The following GALNT13 variants were observed in gnomAD, a reference collection of about 807,000 sequenced individuals.
The protein encoded by GALNT13 is UDP-GalNAc:polypeptide N-acetylgalactosaminyltransferase 13.
A neutral mutation model predicts 64.2 loss-of-function variants in GALNT13; 28 were observed. That is an observed-to-expected ratio of 0.44 (90% CI 0.32 to 0.60). The LOEUF is 0.60. Ranked by LOEUF, GALNT13 falls within the 20% of genes least tolerant of loss-of-function variation. GALNT13 has a pLI of 0.05. For synonymous variants in GALNT13, 214 were observed against 224.6 expected, an observed-to-expected ratio of 0.95 and a Z score of 0.42; for missense variants, 577 against 669.8, an observed-to-expected ratio of 0.86 and a Z score of 1.53.
At chr2:153,476,619 T>C in the GALNT13 span, among the ~76,000 whole-genome samples, 1 of 152,176 alleles carries the variant, frequency 6.6e-6, no homozygotes, top group Non-Finnish European at 1.5e-5. Context: ...CAGTTGGGGT[T>C]GTAATACTCA....
the GALNT13 span, among the ~76,000 whole-genome samples, chr2:153,355,700 G>A: frequency 6.6e-6 from 1 of 152,136 alleles, no homozygotes; most frequent in South Asian, 2.1e-4. Context: ...GGCCCTGGGT[G>A]ATTTACTGGT....
chr2:153,699,070 A>G, the GALNT13 span, among the ~76,000 whole-genome samples: 1 of 152,144 alleles, frequency 6.6e-6, no homozygotes, highest in Non-Finnish European at 1.5e-5. Flanking sequence ...TAAAAATTAC[A>G]AAAATTTTCC....
chr2:154,052,733 A>ATT (rs1699692756), intron 3 of GALNT13, among the ~76,000 whole-genome samples: 1 of 135,316 alleles, frequency 7.4e-6, no homozygotes, highest in African/African-American at 2.7e-5. Flanking sequence ...TACAGAATTG[A>ATT]CTTTTTTTTT....
At chr2:154,264,170 A>G (rs1690853701) in intron 8 of GALNT13, among the ~76,000 whole-genome samples, 1 of 152,196 alleles carries the variant, frequency 6.6e-6, no homozygotes, top group Admixed American at 6.5e-5. Context: ...GTGAGGAAAC[A>G]ATCCAAGTCT....
chr2:153,437,276 G>A, the GALNT13 span, among the ~76,000 whole-genome samples: 1 of 152,126 alleles, frequency 6.6e-6, no homozygotes, highest in Non-Finnish European at 1.5e-5. Flanking sequence ...TAGGTGTGGT[G>A]TGGTGCTGAA....
chr2:153,404,672 A>T, the GALNT13 span, among the ~76,000 whole-genome samples: 1 of 152,198 alleles, frequency 6.6e-6, no homozygotes, highest in Non-Finnish European at 1.5e-5. Context: ...TGTGACGGAT[A>T]CCACTTCAGG....
the GALNT13 span, among the ~76,000 whole-genome samples, chr2:153,438,363 G>A: frequency 6.6e-6 from 1 of 152,070 alleles, no homozygotes; most frequent in Admixed American, 6.5e-5. Flanking sequence ...CTGAACTTGA[G>A]TGTTGGCCTG....
intron 11 of GALNT13, among the ~76,000 whole-genome samples, chr2:154,434,453 G>T (rs1421976675): frequency 6.6e-6 from 1 of 152,128 alleles, no homozygotes; most frequent in Non-Finnish European, 1.5e-5. Context: ...TAGAGACGGG[G>T]TTTCACCGTG....
the GALNT13 span, among the ~76,000 whole-genome samples, chr2:153,087,661 C>G: frequency 6.6e-6 from 1 of 151,962 alleles, no homozygotes; most frequent in Admixed American, 6.6e-5. Flanking sequence ...CATCCTCTAT[C>G]TGTTCAGTGT....
At chr2:153,138,651 A>C in the GALNT13 span, among the ~76,000 whole-genome samples, 136,551 of 152,092 alleles carry the variant, frequency 0.9, 62,407 homozygotes, top group Non-Finnish European at 0.98. Flanking sequence ...ATATAAAAAT[A>C]GTTAGCATCA....
At chr2:154,229,850 C>T (rs2105843052) in intron 4 of GALNT13, among the ~76,000 whole-genome samples, 1 of 152,152 alleles carries the variant, frequency 6.6e-6, no homozygotes, top group African/African-American at 2.4e-5. Context: ...TGAAGCTGAT[C>T]CAGATCCTGT....
At chr2:153,903,683 G>A (rs1688379048) in intron 2 of GALNT13, among the ~76,000 whole-genome samples, 2 of 151,958 alleles carry the variant, frequency 1.3e-5, no homozygotes, top group African/African-American at 4.8e-5. Flanking sequence ...CTTGGTAGCA[G>A]CGAATTTTAA....
intron 3 of GALNT13, among the ~76,000 whole-genome samples, chr2:154,066,569 G>A (rs1315866631): frequency 6.8e-6 from 1 of 147,374 alleles, no homozygotes; most frequent in Non-Finnish European, 1.5e-5. Flanking sequence ...AGGAGAGAAT[G>A]AAATGACATA....
the GALNT13 span, among the ~76,000 whole-genome samples, chr2:153,780,216 T>TAG: frequency 3.9e-3 from 5 of 1,268 alleles, no homozygotes; most frequent in South Asian, 0.038. Context: ...AATTTGAAGA[T>TAG]ATATATATAT....
the GALNT13 span, among the ~76,000 whole-genome samples, chr2:153,858,605 A>G: frequency 6.6e-5 from 10 of 152,188 alleles, no homozygotes; most frequent in African/African-American, 2.4e-4. Context: ...GTATTGTCAC[A>G]ATTGCTCTAT....
At chr2:153,995,902 C>A (rs981569130) in intron 3 of GALNT13, among the ~76,000 whole-genome samples, 2 of 152,168 alleles carry the variant, frequency 1.3e-5, no homozygotes, top group Admixed American at 6.5e-5. Context: ...TTAGAAATTT[C>A]ATCTATTAGT....
intron 3 of GALNT13, among the ~76,000 whole-genome samples, chr2:154,126,916 A>G (rs567305762): frequency 2.0e-5 from 3 of 152,220 alleles, no homozygotes; most frequent in Non-Finnish European, 4.4e-5. Flanking sequence ...GATATGAGGC[A>G]AAAAAACAAT....
the GALNT13 span, among the ~76,000 whole-genome samples, chr2:153,826,143 G>T: frequency 6.6e-6 from 1 of 152,158 alleles, no homozygotes; most frequent in African/African-American, 2.4e-5. Context: ...TCAAGGGCTT[G>T]CATCTGGTGA....
At chr2:154,310,980 AGAATATTCTATGAATATATAT>A (rs1311876486) in intron 9 of GALNT13, among the ~76,000 whole-genome samples, 1 of 151,928 alleles carries the variant, frequency 6.6e-6, no homozygotes, top group African/African-American at 2.4e-5. Context: ...ATATATTCAT[AGAATATTCTATGAATATATAT>A]GAATGACAAC....
Sources: allele counts gnomAD v4.1 joint callset (sites outside exome capture counted in the v4.1 genomes callset), GRCh38; gene constraint gnomAD v4.1.1; transcripts MANE v1.5; gene names NCBI Gene and HGNC (gene_info 2026-07-23, HGNC 2026-07-21).